The following MICAL3 variants were observed in gnomAD, a reference collection of about 807,000 sequenced individuals.
MICAL3 encodes microtubule associated monooxygenase, calponin and LIM domain containing 3, also known as [F-actin]-monooxygenase MICAL3.
Under a neutral mutation model 207.4 loss-of-function variants are expected in MICAL3, and 62 were observed. The observed-to-expected ratio is 0.30, with a 90% CI of 0.24 to 0.37. The LOEUF (loss-of-function observed/expected upper bound fraction) is 0.37. MICAL3 is among the 10% of genes least tolerant of loss of function. MICAL3 has a pLI of 1.00. For synonymous variants in MICAL3, 1,077 were observed against 1,069.3 expected (o/e 1.01, Z -0.14); for missense variants, 2,368 against 2,635.6 (o/e 0.90, Z 2.22).
chr22:17,835,764 CT>C (rs1923294997), intron 20 of MICAL3, among the ~76,000 whole-genome samples: 1 of 152,246 alleles, frequency 6.6e-6, no homozygotes, highest in African/African-American at 2.4e-5. Flanking sequence ...TGTTTTGGCA[CT>C]GGTGACAACG....
chr22:17,870,478 G>A (rs568096209), intron 17 of MICAL3, among the ~76,000 whole-genome samples: 1 of 152,260 alleles, frequency 6.6e-6, no homozygotes, highest in South Asian at 2.1e-4. Context: ...TTACACTTCT[G>A]CATCTTTCAC....
At chr22:17,888,050 AC>A (rs1214761672) in intron 13 of MICAL3, among the ~76,000 whole-genome samples, 4 of 152,252 alleles carry the variant, frequency 2.6e-5, no homozygotes, top group African/African-American at 9.6e-5. Flanking sequence ...TTCATTAGTA[AC>A]AACAGCAATT....
chr22:17,977,681 C>G (rs928928618), intron 1 of MICAL3, among the ~76,000 whole-genome samples: 2 of 152,052 alleles, frequency 1.3e-5, no homozygotes, highest in Non-Finnish European at 2.9e-5. Flanking sequence ...CATAGAGTTA[C>G]CATATGACCC....
At chr22:17,829,211 G>A (rs193155553) in intron 21 of MICAL3, among the ~76,000 whole-genome samples, 3 of 149,340 alleles carry the variant, frequency 2.0e-5, no homozygotes, top group African/African-American at 7.5e-5. Flanking sequence ...TTGTTGCCCA[G>A]GCTAGAGTGC....
Position 17,887,419 on chromosome 22 carries a change from A to G in MICAL3, c.1908T>C (p.Asn636=), listed in dbSNP as rs778473754. The change falls in exon 14 of 32, where the codon AAT becomes AAC. Residue 636 remains asparagine, a synonymous_variant. Transcript: ENST00000441493. The part of the protein sequence containing the change: ...SLPSSDTLDL[N]AEEKAVLIAS... ...CTATCAGGACTGCTTTCTCCTCGGC[A>G]TTTAGGTCCAAGGTGTCTGGGAATA... The G allele has an allele frequency of 2.5e-6, 4 of 1,613,304 alleles. No homozygotes were observed. The highest frequency in any genetic ancestry group is 2.2e-5 in the East Asian group (1 of 44,882).
chr22:17,861,214 C>CTAG, intron 19 of MICAL3: 1 of 985,390 alleles, frequency 1.0e-6, no homozygotes, highest in Non-Finnish European at 1.2e-6. Flanking sequence ...GCCTGGCTAC[C>CTAG]CTTCTAGCTG....
rs542864135 is a variant in MICAL3, at chr22:17,984,962, C to T, written c.-75+39319G>A. Among the ~76,000 whole-genome samples the T allele has an allele frequency of 2.4e-4, 37 of 152,138 alleles. No homozygotes were observed. The South Asian group carries it at 7.5e-3, about 31-fold the overall frequency. On this transcript the variant is annotated intron_variant, in intron 1 of 31. Coordinates refer to ENST00000441493, the MANE Select transcript of MICAL3 (RefSeq NM_015241.3). Reference sequence around the variant, plus strand: ...CAGTAAGCATGAGTGAGCAACACAGCATGCTAGAGGGTGAGTGCCCCGGAA... The same window carrying T: ...CAGTAAGCATGAGTGAGCAACACAGTATGCTAGAGGGTGAGTGCCCCGGAA...
intron 29 of MICAL3, among the ~76,000 whole-genome samples, chr22:17,804,535 CG>C (rs1569071491): frequency 1.3e-5 from 2 of 152,206 alleles, no homozygotes; most frequent in African/African-American, 2.4e-5. Flanking sequence ...GGCACTCGGC[CG>C]AAGGCTCCTG....
At chr22:17,874,780 C>T (rs372415728) in intron 16 of MICAL3, among the ~76,000 whole-genome samples, 11 of 151,918 alleles carry the variant, frequency 7.2e-5, no homozygotes, top group South Asian at 6.3e-4. Context: ...CCAGTAGGAG[C>T]GGCAAAGAGA....
At chr22:17,799,465 T>C (rs1378287135) in intron 29 of MICAL3, among the ~76,000 whole-genome samples, 3 of 152,228 alleles carry the variant, frequency 2.0e-5, no homozygotes, top group African/African-American at 4.8e-5. Flanking sequence ...ACCGTAGATT[T>C]TCCACTCTGC....
At chr22:17,886,735 G>A (rs1362060135) in intron 15 of MICAL3, among the ~76,000 whole-genome samples, 1 of 150,946 alleles carries the variant, frequency 6.6e-6, no homozygotes, top group Non-Finnish European at 1.5e-5. Context: ...AACCCTGGAG[G>A]TGCAGGTTGC....
chr22:17,973,573 G>A (rs1220078232), intron 1 of MICAL3, among the ~76,000 whole-genome samples: 2 of 152,228 alleles, frequency 1.3e-5, no homozygotes, highest in East Asian at 3.8e-4. Flanking sequence ...GGTGTCTGCT[G>A]TGTGCAGAAG....
At chr22:17,942,803 C>T (rs1191780417) in intron 1 of MICAL3, among the ~76,000 whole-genome samples, 1 of 152,246 alleles carries the variant, frequency 6.6e-6, no homozygotes, top group Non-Finnish European at 1.5e-5. Flanking sequence ...AGGGCTCCAG[C>T]TTGATGGGTG....
At chr22:17,809,019 G>A in intron 28 of MICAL3, 82 bp from the exon 29 acceptor site, 4 of 1,254,190 alleles carry the variant, frequency 3.2e-6, no homozygotes, top group Middle Eastern at 1.9e-4. Context: ...CACACGAGGG[G>A]AAACACAGGA....
chr22:17,810,862 G>A (rs774679773), intron 27 of MICAL3, 49 bp from the exon 28 acceptor site: 2 of 1,499,548 alleles, frequency 1.3e-6, no homozygotes, highest in East Asian at 4.5e-5. Context: ...GGAGGCCTGG[G>A]ACAGGGGTGG....
At chr22:17,894,870 C>T (rs920226961) in intron 10 of MICAL3, among the ~76,000 whole-genome samples, 9 of 151,598 alleles carry the variant, frequency 5.9e-5, no homozygotes, top group Non-Finnish European at 8.8e-5. Flanking sequence ...TCACAATAAT[C>T]CTGTGAGTAG....
At position 17,901,016 on chromosome 22, in the gene MICAL3, T is replaced by C. The variant is rs759316409; in HGVS notation, c.692-19A>G. 17 of 1,613,352 alleles carry C rather than the reference T, an allele frequency of 1.1e-5. No individual in the cohort carries two copies. The East Asian group carries it at 2.7e-4, about 25-fold the overall frequency. ...CGAAACCCTGGAGGGAAATAAATTT[T>C]CAGAGGTGATAATCATTGGCTAGAG... On this transcript the variant is annotated intron_variant, in intron 5 of 31. Transcript: ENST00000441493.
chr22:17,904,694 A>G lies in MICAL3; in HGVS notation c.410T>C (p.Leu137Pro). ...LHLWPFTIHDLRGLGAKKFYG... is the reference protein window; with the variant it reads ...LHLWPFTIHDPRGLGAKKFYG... ...GAACTTCTTGGCACCCAGACCTCGT[A>G]GATCATGTATGGTGAATGGCCAGAG... The change falls in exon 3 of 32, where the codon CTA (leucine) becomes CCA (proline). Residue 137 changes from leucine (L) to proline (P), a missense_variant. By Grantham distance (98) the Leu-to-Pro change is moderately conservative (BLOSUM62 -3). Transcript: ENST00000441493. The G allele has an allele frequency of 6.2e-7, 1 of 1,614,162 alleles. No individual in the cohort carries two copies. The highest frequency in any genetic ancestry group is 1.1e-5 in the South Asian group (1 of 91,092).
At chr22:17,836,165 T>C (rs77043154) in intron 20 of MICAL3, among the ~76,000 whole-genome samples, 1,895 of 152,302 alleles carry the variant, frequency 0.012, 37 homozygotes, top group African/African-American at 0.041. Flanking sequence ...GCACATGCAC[T>C]TGATTCTAAA....
Sources: gnomAD v4.1 joint callset for allele counts (sites outside exome capture counted in the v4.1 genomes callset) on GRCh38, gnomAD v4.1.1 for gene constraint, MANE v1.5 for transcripts, NCBI Gene and HGNC (gene_info 2026-07-23, HGNC 2026-07-21) for gene names.